Variants in VAPA observed in about 807,000 individuals in gnomAD.
The protein encoded by VAPA is VAMP associated protein A.
Under a neutral mutation model 25.6 loss-of-function variants are expected in VAPA, and 6 were observed. The observed-to-expected ratio is 0.23, with a 90% CI of 0.13 to 0.46. VAPA has a LOEUF of 0.46. VAPA is among the 20% of genes least tolerant of loss of function. VAPA has a pLI of 0.99. For synonymous variants in VAPA, 112 were observed against 106.2 expected (o/e 1.05, Z -0.34); for missense variants, 244 against 302.1 (o/e 0.81, Z 1.43).
At chr18:9,948,870 C>T (rs1477872906) in intron 4 of VAPA, 2 of 152,212 alleles carry the variant, frequency 1.3e-5, no homozygotes, top group Non-Finnish European at 2.9e-5. Flanking sequence ...CTGCTTCATC[C>T]TCTTTAAGTT....
At chr18:9,937,456 C>G (rs965318366) in intron 4 of VAPA, among the ~76,000 whole-genome samples, 2 of 152,074 alleles carry the variant, frequency 1.3e-5, no homozygotes, top group East Asian at 3.9e-4. Flanking sequence ...CTTACATGGA[C>G]AGTTTATTCC....
chr18:9,925,011 A>G lies in VAPA; in HGVS notation c.80-6799A>G, dbSNP rs182807133. ...TTTTATTTAGGTACGTGTTTATGTA[A>G]AGGTGATGGATGAGTATTTATACGA... On this transcript the variant is annotated intron_variant, in intron 1 of 5. Coordinates refer to ENST00000400000, the MANE Select transcript of VAPA (RefSeq NM_194434.3). 2.6e-5 allele frequency: 4 copies of G among 152,260 alleles called. No individual in the cohort carries two copies. In the East Asian group the frequency reaches 7.7e-4, roughly 29 times the overall value. 9.4% of individuals were successfully genotyped at this position (152,260 alleles called of 1,614,324 possible). A position where few individuals can be genotyped will look rare whatever the true frequency, so the allele number is the denominator to read the frequency against.
At chr18:9,930,054 A>C (rs542099515) in intron 1 of VAPA, among the ~76,000 whole-genome samples, 26 of 152,280 alleles carry the variant, frequency 1.7e-4, no homozygotes, top group Admixed American at 6.5e-4. Context: ...TGTTGATGAA[A>C]ACTGACCCAC....
At chr18:9,931,010 C>A (rs2069249095) in intron 1 of VAPA, among the ~76,000 whole-genome samples, 1 of 152,018 alleles carries the variant, frequency 6.6e-6, no homozygotes, top group Admixed American at 6.5e-5. Flanking sequence ...TGATTCCAGC[C>A]TTCTAGCTTT....
chr18:9,945,955 T>C (rs1331018527), intron 4 of VAPA, among the ~76,000 whole-genome samples: 1 of 152,202 alleles, frequency 6.6e-6, no homozygotes, highest in Non-Finnish European at 1.5e-5. Flanking sequence ...GCCTTTTAAC[T>C]CCCTTTATGT....
chr18:9,944,440 T>C (rs2069400323), intron 4 of VAPA, among the ~76,000 whole-genome samples: 1 of 152,118 alleles, frequency 6.6e-6, no homozygotes, highest in South Asian at 2.1e-4. Context: ...TCTTTAAGTG[T>C]TTATTGGCCT....
intron 4 of VAPA, chr18:9,944,844 G>A: frequency 6.6e-7 from 1 of 1,507,246 alleles, no homozygotes; most frequent in South Asian, 1.3e-5. Context: ...AATGCTTTCT[G>A]TGTCAGTCAT....
chr18:9,942,392 C>T (rs2069374777), intron 4 of VAPA, among the ~76,000 whole-genome samples: 1 of 152,142 alleles, frequency 6.6e-6, no homozygotes, highest in Non-Finnish European at 1.5e-5. Flanking sequence ...GCACTCTCCT[C>T]AAATATTGTA....
chr18:9,937,214 A>G (rs1239995614), intron 4 of VAPA, 148 bp downstream of exon 4: 2 of 246,892 alleles, frequency 8.1e-6, no homozygotes, highest in Non-Finnish European at 1.3e-5. Flanking sequence ...AAAACTTGGT[A>G]TGCCTTTTTT....
intron 4 of VAPA, among the ~76,000 whole-genome samples, chr18:9,943,574 C>T (rs1412079402): frequency 1.3e-5 from 2 of 152,118 alleles, no homozygotes; most frequent in Non-Finnish European, 2.9e-5. Flanking sequence ...GATACGAAAG[C>T]GCTGTTGTAC....
At chr18:9,952,987 C>G (rs1046676496) in intron 5 of VAPA, among the ~76,000 whole-genome samples, 1 of 152,166 alleles carries the variant, frequency 6.6e-6, no homozygotes, top group Non-Finnish European at 1.5e-5. Context: ...ATAAAGGAAT[C>G]ATGGGAGAAA....
chr18:9,915,867 TTA>T (rs1297154047), intron 1 of VAPA: 1 of 152,226 alleles, frequency 6.6e-6, no homozygotes, highest in Non-Finnish European at 1.5e-5. Flanking sequence ...TATTGCAAGT[TTA>T]TGTAAGTTGT....
intron 4 of VAPA, among the ~76,000 whole-genome samples, chr18:9,937,280 T>C (rs975263068): frequency 4.6e-5 from 7 of 151,812 alleles, no homozygotes; most frequent in Non-Finnish European, 7.4e-5. Context: ...AGACTCACTT[T>C]TAGGTCAAGA....
intron 1 of VAPA, chr18:9,924,999 C>T (rs886653067): frequency 6.6e-6 from 1 of 151,538 alleles, no homozygotes; most frequent in African/African-American, 2.4e-5. Context: ...TATTTAGGTA[C>T]GTGTTTATGT....
chr18:9,936,936 TA>T (rs2069317115), intron 3 of VAPA, 49 bp from the exon 4 acceptor site: 5 of 1,549,968 alleles, frequency 3.2e-6, no homozygotes, highest in Non-Finnish European at 4.4e-6. Context: ...GAAACTTACT[TA>T]CCATGATCAT....
chr18:9,943,432 G>A (rs1437546655), intron 4 of VAPA, among the ~76,000 whole-genome samples: 3 of 152,090 alleles, frequency 2.0e-5, no homozygotes, highest in Admixed American at 6.6e-5. Context: ...CCTAGTCCTC[G>A]GGATCAGCAG....
chr18:9,927,602 T>C (rs369340225), intron 1 of VAPA, among the ~76,000 whole-genome samples: 12 of 152,090 alleles, frequency 7.9e-5, no homozygotes, highest in African/African-American at 2.9e-4. Flanking sequence ...TTTACACATA[T>C]GGACTGACTA....
chr18:9,949,655 G>A (rs533402996), intron 4 of VAPA: 2 of 152,324 alleles, frequency 1.3e-5, no homozygotes, highest in African/African-American at 4.8e-5. Context: ...CTGCTACGAT[G>A]TGTGGTGACA....
chr18:9,930,196 C>T (rs1035415152), intron 1 of VAPA, among the ~76,000 whole-genome samples: 1 of 151,996 alleles, frequency 6.6e-6, no homozygotes, highest in African/African-American at 2.4e-5. Flanking sequence ...TATGAAAATA[C>T]ATAAATATGT....
Sources: gnomAD v4.1 joint callset for allele counts (sites outside exome capture counted in the v4.1 genomes callset) on GRCh38, gnomAD v4.1.1 for gene constraint, MANE v1.5 for transcripts, NCBI Gene and HGNC (gene_info 2026-07-23, HGNC 2026-07-21) for gene names.